The following FRMPD4 variants were observed in gnomAD, a reference collection of about 807,000 sequenced individuals.
FRMPD4 encodes the protein FERM and PDZ domain containing 4.
In FRMPD4, 22 loss-of-function variants were observed where a neutral mutation model predicts 94.1. The ratio of observed to expected loss-of-function variants is 0.23; its 90% confidence interval spans 0.17 to 0.33. FRMPD4 has a LOEUF of 0.33. FRMPD4 is among the 10% of genes least tolerant of loss of function. The probability of loss-of-function intolerance (pLI) is 1.00; values close to 1 mark genes in which losing one functional copy is unlikely to be tolerated. For missense variants in FRMPD4, 1,111 were observed against 1,339.9 expected (o/e 0.83, Z 2.67); for synonymous variants, 631 against 548.6 (o/e 1.15, Z -2.10).
chrX:12,469,968 GTTT>G (rs2057491765), intron 1 of FRMPD4, among the ~76,000 whole-genome samples: 1 of 112,077 alleles, frequency 8.9e-6, no homozygotes, highest in South Asian at 3.7e-4. Flanking sequence ...CCTGGGACGA[GTTT>G]ATTATCTCTG....
At chrX:12,441,825 T>C (rs957256039) in intron 1 of FRMPD4, among the ~76,000 whole-genome samples, 1 of 111,896 alleles carries the variant, frequency 8.9e-6, no homozygotes, top group African/African-American at 3.2e-5. Flanking sequence ...TCCAAGAAGT[T>C]CCACCTAAGG....
intron 1 of FRMPD4, among the ~76,000 whole-genome samples, chrX:12,325,729 T>C (rs1422502271): frequency 8.9e-6 from 1 of 112,365 alleles, no homozygotes; most frequent in East Asian, 2.8e-4. Context: ...AGCTCTAAAA[T>C]GCAGACCCTC....
At chrX:12,143,313 G>T (rs5978486) in intron 1 of FRMPD4, among the ~76,000 whole-genome samples, 5,424 of 112,189 alleles carry the variant, frequency 0.048, 193 homozygotes, top group African/African-American at 0.12. Context: ...GCAAAGAATG[G>T]TTTCTTTATT....
At chrX:12,460,446 G>C (rs1475706812) in intron 1 of FRMPD4, among the ~76,000 whole-genome samples, 1 of 111,800 alleles carries the variant, frequency 8.9e-6, no homozygotes, top group Non-Finnish European at 1.9e-5. Flanking sequence ...TCCATAGTGA[G>C]TCAAGGGTGA....
At chrX:12,663,962 C>T (rs1442478184) in intron 4 of FRMPD4, among the ~76,000 whole-genome samples, 1 of 111,838 alleles carries the variant, frequency 8.9e-6, no homozygotes, top group Non-Finnish European at 1.9e-5. Context: ...CTCTTTGTAG[C>T]AATTGTGAAT....
intron 3 of FRMPD4, among the ~76,000 whole-genome samples, chrX:11,916,471 C>T (rs1320433440): frequency 2.7e-5 from 3 of 110,827 alleles, no homozygotes; most frequent in Non-Finnish European, 5.7e-5. Flanking sequence ...TGAACTCAGG[C>T]TGAGAGAGTG....
chrX:12,331,031 A>G (rs1349786663), intron 1 of FRMPD4, among the ~76,000 whole-genome samples: 1 of 111,672 alleles, frequency 9.0e-6, no homozygotes, highest in African/African-American at 3.3e-5. Flanking sequence ...CAACTCTGCC[A>G]TTGGTTATAG....
chrX:12,380,589 C>T (rs567877833), intron 1 of FRMPD4, among the ~76,000 whole-genome samples: 3 of 111,982 alleles, frequency 2.7e-5, no homozygotes, highest in East Asian at 2.8e-4. Context: ...CTCTTCCACC[C>T]GTGAAAGGTG....
intron 1 of FRMPD4, among the ~76,000 whole-genome samples, chrX:12,253,652 A>ATG (rs2147814335): frequency 8.9e-6 from 1 of 112,164 alleles, no homozygotes; most frequent in East Asian, 2.8e-4. Context: ...TAATTGGATA[A>ATG]TGTGTGTGTA....
intron 4 of FRMPD4, among the ~76,000 whole-genome samples, chrX:12,642,578 C>T (rs1007475185): frequency 1.8e-5 from 2 of 112,792 alleles, no homozygotes; most frequent in Admixed American, 1.9e-4. Context: ...ATCTGGCCTA[C>T]TACCTGTTTG....
intron 2 of FRMPD4, among the ~76,000 whole-genome samples, chrX:12,522,605 TTTTTTTTTTTC>T (rs1160560730): frequency 2.1e-5 from 2 of 97,255 alleles, no homozygotes; most frequent in Non-Finnish European, 4.1e-5. Flanking sequence ...TTTTTTTTTT[TTTTTTTTTTTC>T]TTTTGAGACA....
chrX:11,851,979 T>C (rs2053625581), intron 1 of FRMPD4, among the ~76,000 whole-genome samples: 1 of 107,819 alleles, frequency 9.3e-6, no homozygotes, highest in South Asian at 4.0e-4. Context: ...CTCTAAGAGA[T>C]AGACAGTGGG....
At chrX:12,460,217 T>C (rs1032857712) in intron 1 of FRMPD4, among the ~76,000 whole-genome samples, 4 of 112,239 alleles carry the variant, frequency 3.6e-5, no homozygotes, top group Middle Eastern at 9.2e-3. Context: ...GCTTGCCTTT[T>C]GTTTTCTTAA....
chrX:12,658,289 A>G (rs11797894), intron 4 of FRMPD4, among the ~76,000 whole-genome samples: 161 of 112,081 alleles, frequency 1.4e-3, no homozygotes, highest in Non-Finnish European at 2.9e-3. Flanking sequence ...TAAATATGCT[A>G]TACACTGTCC....
At chrX:12,720,100 GAAGA>G (rs1237166100) in intron 16 of FRMPD4, among the ~76,000 whole-genome samples, 3 of 108,219 alleles carry the variant, frequency 2.8e-5, no homozygotes, top group Non-Finnish European at 3.8e-5. Flanking sequence ...AAGAAAGGAG[GAAGA>G]AAGAAAGAAA....
At chrX:12,213,008 C>T (rs2056769990) in intron 1 of FRMPD4, among the ~76,000 whole-genome samples, 2 of 111,359 alleles carry the variant, frequency 1.8e-5, no homozygotes, top group African/African-American at 3.3e-5. Flanking sequence ...AGACTCCACT[C>T]CTAAGGCTCT....
intron 1 of FRMPD4, among the ~76,000 whole-genome samples, chrX:12,289,489 T>A (rs1318972549): frequency 8.9e-6 from 1 of 112,009 alleles, no homozygotes; most frequent in Non-Finnish European, 1.9e-5. Flanking sequence ...TAGCTAGTGG[T>A]CATCATATTG....
chrX:12,361,466 G>A (rs1269039966), intron 1 of FRMPD4, among the ~76,000 whole-genome samples: 1 of 112,178 alleles, frequency 8.9e-6, no homozygotes, highest in Non-Finnish European at 1.9e-5. Flanking sequence ...CTTTAATGCA[G>A]AAGAGCAGGT....
At chrX:12,362,448 C>T (rs2056006912) in intron 1 of FRMPD4, among the ~76,000 whole-genome samples, 2 of 111,051 alleles carry the variant, frequency 1.8e-5, no homozygotes, top group Admixed American at 1.9e-4. Flanking sequence ...TGAGTGAGAA[C>T]ATGTGGTGTT....
Sources: allele counts gnomAD v4.1 joint callset (sites outside exome capture counted in the v4.1 genomes callset), GRCh38; gene constraint gnomAD v4.1.1; transcripts MANE v1.5; gene names NCBI Gene and HGNC (gene_info 2026-07-23, HGNC 2026-07-21).